Variants in PLXDC2 observed in about 807,000 individuals in gnomAD.
PLXDC2 encodes plexin domain containing 2.
A neutral mutation model predicts 68.9 loss-of-function variants in PLXDC2; 40 were observed. The observed-to-expected ratio is 0.58, with a 90% CI of 0.45 to 0.76. The LOEUF is 0.76. PLXDC2 is among the 30% of genes least tolerant of loss of function. The probability of loss-of-function intolerance (pLI) is 0.00; values close to 1 mark genes in which losing one functional copy is unlikely to be tolerated. For synonymous variants in PLXDC2, 243 were observed against 234.2 expected, an observed-to-expected ratio of 1.04 and a Z score of -0.34; for missense variants, 644 against 661.9, an observed-to-expected ratio of 0.97 and a Z score of 0.30.
intron 1 of PLXDC2, among the ~76,000 whole-genome samples, chr10:19,937,544 G>GTGTATATATA (rs1283000294): frequency 2.1e-5 from 2 of 95,968 alleles, no homozygotes; most frequent in Non-Finnish European, 4.0e-5. Flanking sequence ...TATAGTCAAT[G>GTGTATATATA]TATATATATA....
chr10:19,840,745 T>C (rs1836888678), intron 1 of PLXDC2, among the ~76,000 whole-genome samples: 1 of 152,130 alleles, frequency 6.6e-6, no homozygotes. Flanking sequence ...ATCCTCATTA[T>C]TGCAGTAAAT....
intron 4 of PLXDC2, among the ~76,000 whole-genome samples, chr10:20,136,038 G>A (rs116204006): frequency 0.036 from 5,554 of 152,188 alleles, 126 homozygotes; most frequent in South Asian, 0.067. Flanking sequence ...TAAAGGGAAA[G>A]TATTTGGTGA....
At chr10:20,266,586 C>G (rs913241768) in intron 13 of PLXDC2, among the ~76,000 whole-genome samples, 2 of 151,980 alleles carry the variant, frequency 1.3e-5, no homozygotes, top group African/African-American at 2.4e-5. Context: ...TTAAATGAAA[C>G]AATTCATGGT....
In PLXDC2 at chr10:20,287,429, A is replaced by C. The variant is rs948168002; in HGVS notation, c.*7610A>C. On this transcript the variant is annotated 3_prime_UTR_variant, in exon 14 of 14. Coordinates refer to ENST00000377252, the MANE Select transcript of PLXDC2 (RefSeq NM_032812.9). ...CCGGGCCCAGAGCTGGATTTCTCTG[A>C]GATTTGACCATCTCAGGACTCAGAC... 1 of 152,170 alleles carries C rather than the reference A, an allele frequency of 6.6e-6. No homozygotes were observed. Among genetic ancestry groups the C allele is most frequent in the East Asian group, 1.9e-4 (1 of 5,178 alleles). 9.4% of individuals were successfully genotyped at this position (152,170 alleles called of 1,614,324 possible). A position where few individuals can be genotyped will look rare whatever the true frequency, so the allele number is the denominator to read the frequency against.
intron 9 of PLXDC2, among the ~76,000 whole-genome samples, chr10:20,209,744 A>G (rs890675826): frequency 6.6e-5 from 10 of 152,104 alleles, no homozygotes; most frequent in Non-Finnish European, 1.2e-4. Flanking sequence ...TGTGCAGTTA[A>G]TGCAGTCATC....
At chr10:20,098,578 T>C (rs908521393) in intron 4 of PLXDC2, among the ~76,000 whole-genome samples, 1 of 152,174 alleles carries the variant, frequency 6.6e-6, no homozygotes, top group Non-Finnish European at 1.5e-5. Flanking sequence ...ATGTTTATGA[T>C]GGGAGAGCAT....
chr10:19,886,234 T>C (rs1837844091), intron 1 of PLXDC2, among the ~76,000 whole-genome samples: 1 of 152,212 alleles, frequency 6.6e-6, no homozygotes, highest in Non-Finnish European at 1.5e-5. Context: ...AAGTTGCTTA[T>C]CAGCTTAAGG....
At chr10:19,862,671 T>C (rs1339307687) in intron 1 of PLXDC2, among the ~76,000 whole-genome samples, 2 of 152,234 alleles carry the variant, frequency 1.3e-5, no homozygotes, top group African/African-American at 2.4e-5. Context: ...ACAACAAGTA[T>C]GCAACAGCTA....
intron 1 of PLXDC2, among the ~76,000 whole-genome samples, chr10:19,878,521 G>C (rs1219888656): frequency 6.6e-6 from 1 of 152,108 alleles, no homozygotes; most frequent in Non-Finnish European, 1.5e-5. Flanking sequence ...TTCTGTGAAT[G>C]ATAGAATTCC....
At chr10:20,176,671 T>A (rs1834531185) in intron 7 of PLXDC2, among the ~76,000 whole-genome samples, 1 of 152,162 alleles carries the variant, frequency 6.6e-6, no homozygotes, top group South Asian at 2.1e-4. Context: ...TCTTACCTTC[T>A]TGATTTCATG....
intron 2 of PLXDC2, among the ~76,000 whole-genome samples, chr10:20,030,727 G>A (rs1034793180): frequency 1.3e-5 from 2 of 152,116 alleles, no homozygotes; most frequent in African/African-American, 4.8e-5. Context: ...GCTGAGAGAG[G>A]TGAGCGCTGA....
chr10:20,134,939 A>G (rs1833915721), intron 4 of PLXDC2, among the ~76,000 whole-genome samples: 1 of 152,184 alleles, frequency 6.6e-6, no homozygotes, highest in South Asian at 2.1e-4. Context: ...CCTGGAGGGT[A>G]TATTTCTCTG....
intron 2 of PLXDC2, among the ~76,000 whole-genome samples, chr10:20,020,688 A>G (rs1461438378): frequency 6.6e-6 from 1 of 152,164 alleles, no homozygotes; most frequent in African/African-American, 2.4e-5. Flanking sequence ...TTGGGTAGCT[A>G]AATCCTTTAT....
At chr10:20,084,085 G>T (rs951737718) in intron 4 of PLXDC2, among the ~76,000 whole-genome samples, 4 of 152,172 alleles carry the variant, frequency 2.6e-5, no homozygotes, top group Non-Finnish European at 5.9e-5. Flanking sequence ...TGGTTTGTAG[G>T]TGTTATCATA....
chr10:19,857,487 A>G (rs1156682544), intron 1 of PLXDC2, among the ~76,000 whole-genome samples: 5 of 152,244 alleles, frequency 3.3e-5, no homozygotes, highest in Non-Finnish European at 1.5e-5. Flanking sequence ...AATTATTCAT[A>G]TACTTAAATA....
At chr10:20,041,995 G>A (rs1487233321) in intron 2 of PLXDC2, among the ~76,000 whole-genome samples, 1 of 152,102 alleles carries the variant, frequency 6.6e-6, no homozygotes, top group Non-Finnish European at 1.5e-5. Flanking sequence ...CAGGCACACT[G>A]GGCATTGGGG....
chr10:20,199,930 T>G (rs1020066705), intron 9 of PLXDC2, among the ~76,000 whole-genome samples: 5 of 151,938 alleles, frequency 3.3e-5, no homozygotes, highest in African/African-American at 1.2e-4. Context: ...TGGTTCTTAC[T>G]TTTCACCCTA....
chr10:19,874,501 A>G (rs548597376), intron 1 of PLXDC2, among the ~76,000 whole-genome samples: 5 of 152,336 alleles, frequency 3.3e-5, no homozygotes, highest in African/African-American at 9.6e-5. Flanking sequence ...TGTAATGTGT[A>G]GGAATTGCAA....
chr10:19,878,039 G>A (rs1396096556), intron 1 of PLXDC2, among the ~76,000 whole-genome samples: 1 of 152,098 alleles, frequency 6.6e-6, no homozygotes, highest in African/African-American at 2.4e-5. Flanking sequence ...ATTTAGACTG[G>A]GCTTGAGCAA....
Sources: gnomAD v4.1 joint callset for allele counts (sites outside exome capture counted in the v4.1 genomes callset) on GRCh38, gnomAD v4.1.1 for gene constraint, MANE v1.5 for transcripts, NCBI Gene and HGNC (gene_info 2026-07-23, HGNC 2026-07-21) for gene names.